SLC19A3: variants seen among roughly 807,000 people sequenced by gnomAD.
SLC19A3 encodes the protein solute carrier family 19 member 3, also known as thiamine transporter 2.
Under a neutral mutation model 40.2 loss-of-function variants are expected in SLC19A3, and 31 were observed. The observed-to-expected ratio is 0.77, with a 90% CI of 0.58 to 1.04. The LOEUF is 1.04. Among genes scored for constraint, SLC19A3 ranks in the 50% least tolerant of loss-of-function variants. The pLI, the probability that SLC19A3 is intolerant of heterozygous loss-of-function variation, is 0.00. For missense variants in SLC19A3, 592 were observed against 596.7 expected, an observed-to-expected ratio of 0.99 and a Z score of 0.08; for synonymous variants, 212 against 227.5, an observed-to-expected ratio of 0.93 and a Z score of 0.61.
At position 227,703,551 on chromosome 2, in the gene SLC19A3, T is replaced by C. The variant is rs975597462; in HGVS notation, c.-2-1231A>G. On this transcript the variant is annotated intron_variant, in intron 1 of 5. Transcript: ENST00000644224. This position sits in a 1 kb window ranked among gnomAD's most constrained non-coding sequence, Gnocchi z 4.7. Reference sequence around the variant, plus strand: ...CTAGGATTACAGCATCAGTGAGCAATGCTGACAATGTGAAAATTTTGCCAA... The same window carrying C: ...CTAGGATTACAGCATCAGTGAGCAACGCTGACAATGTGAAAATTTTGCCAA... Among the ~76,000 whole-genome samples, 1 of 152,210 alleles carries C rather than the reference T, an allele frequency of 6.6e-6. No individual in the cohort carries two copies. Among genetic ancestry groups the C allele is most frequent in the Non-Finnish European group, 1.5e-5 (1 of 68,038 alleles).
At chr2:227,713,716 A>C (rs1696227217) in intron 1 of SLC19A3, among the ~76,000 whole-genome samples, 1 of 152,168 alleles carries the variant, frequency 6.6e-6, no homozygotes, top group Non-Finnish European at 1.5e-5. Context: ...TTTCTTTCTA[A>C]ATTTCCCACG....
At chr2:227,713,834 G>C (rs1052279420) in intron 1 of SLC19A3, among the ~76,000 whole-genome samples, 2 of 151,512 alleles carry the variant, frequency 1.3e-5, no homozygotes, top group African/African-American at 4.8e-5. Flanking sequence ...ATACACGGAA[G>C]AAAATAAAGC....
chr2:227,686,157 A>G lies in SLC19A3; in HGVS notation c.*1240T>C. The G allele has an allele frequency of 2.2e-6, 1 of 446,842 alleles. No individual in the cohort carries two copies. Among genetic ancestry groups the G allele is most frequent in the South Asian group, 1.6e-5 (1 of 63,012 alleles). The allele number at this position is 446,842 out of a possible 1,614,324, so 27.7% of individuals were successfully genotyped here. On this transcript the variant is annotated 3_prime_UTR_variant, in exon 6 of 6. Transcript: ENST00000644224. ...GTTTGCAGTGAGCCAAGATCACGCC[A>G]TTGCATTCCAGCCTGGGTGAGAGAG...
chr2:227,714,703 CAAAAAAAAAAA>C (rs769256469), intron 1 of SLC19A3: 6 of 177,184 alleles, frequency 3.4e-5, no homozygotes, highest in Non-Finnish European at 3.9e-5. Context: ...AAATCCCATC[CAAAAAAAAAAA>C]AAAAAAAAAG....
At chr2:227,717,196 T>C (rs1022202766) in intron 1 of SLC19A3, among the ~76,000 whole-genome samples, 3 of 151,852 alleles carry the variant, frequency 2.0e-5, no homozygotes, top group Non-Finnish European at 4.4e-5. Context: ...AGAGACGGGG[T>C]TTCATCCCAG....
Position 227,699,157 on chromosome 2 carries a change from G to C in SLC19A3, c.558C>G (p.Phe186Leu), listed in dbSNP as rs2106329006. Residue 186 changes from phenylalanine to leucine, a missense_variant, in exon 3 of 6, where the codon TTC becomes TTG. Physicochemically the swap from Phe to Leu is conservative, Grantham distance 22. Coordinates refer to ENST00000644224, the MANE Select transcript of SLC19A3 (RefSeq NM_025243.4). ...TCTTGGGCATTGGTAGGAAAAGTGA[G>C]AAAAGGAAAGCCACGGAGACAGAGG... ...SLASVSVAFL[F>L]SLFLPMPKKS... The C allele has an allele frequency of 3.7e-6, 6 of 1,614,160 alleles. No individual in the cohort carries two copies. The highest frequency in any genetic ancestry group is 5.1e-6 in the Non-Finnish European group (6 of 1,180,042).
At chr2:227,700,467 G>C (rs1224977172) in intron 2 of SLC19A3, among the ~76,000 whole-genome samples, 1 of 152,046 alleles carries the variant, frequency 6.6e-6, no homozygotes, top group Admixed American at 6.5e-5. Context: ...GAACCCAGGA[G>C]GCAGAGGTTG....
In SLC19A3 at chr2:227,702,083, A is replaced by G. The variant is rs1695717784; in HGVS notation, c.150+86T>C. ...ACTGAGTTTAATGTGTTCATCTTAT[A>G]TCAAGTTGAGGGAAGCCCTGTATCC... On this transcript the variant is annotated intron_variant, in intron 2 of 5. Coordinates refer to ENST00000644224, the MANE Select transcript of SLC19A3 (RefSeq NM_025243.4). 7 of 1,065,338 alleles carry G rather than the reference A, an allele frequency of 6.6e-6. No homozygotes were observed. The Admixed American group carries it at 1.1e-4, about 16-fold the overall frequency. The allele number at this position is 1,065,338 out of a possible 1,614,324, so 66.0% of individuals were successfully genotyped here. A position where few individuals can be genotyped will look rare whatever the true frequency, so the allele number is the denominator to read the frequency against.
At chr2:227,706,635 G>A in intron 1 of SLC19A3, 1 of 231,050 alleles carries the variant, frequency 4.3e-6, no homozygotes, top group Non-Finnish European at 7.8e-6. Context: ...GTCGGTTGCG[G>A]TGGTGGGTGC....
At chr2:227,707,580 C>T (rs960209086) in intron 1 of SLC19A3, among the ~76,000 whole-genome samples, 6 of 151,176 alleles carry the variant, frequency 4.0e-5, no homozygotes, top group Admixed American at 2.0e-4. Flanking sequence ...AGACCCTGTT[C>T]TCAAAAAATA....
chr2:227,708,767 A>G (rs769954306), intron 1 of SLC19A3, among the ~76,000 whole-genome samples: 2 of 152,232 alleles, frequency 1.3e-5, no homozygotes, highest in Non-Finnish European at 2.9e-5. Flanking sequence ...ATTCTGTAGC[A>G]TAGAAAAACT....
intron 4 of SLC19A3, among the ~76,000 whole-genome samples, chr2:227,692,754 A>G (rs1695281723): frequency 6.6e-6 from 1 of 152,244 alleles, no homozygotes; most frequent in African/African-American, 2.4e-5. Context: ...GAAAGGATCA[A>G]GTCAAATTAT....
At position 227,716,703 on chromosome 2, in the gene SLC19A3, G is replaced by T. The variant is rs535870535; in HGVS notation, c.-3+1240C>A. Among the ~76,000 whole-genome samples the T allele has an allele frequency of 9.9e-5, 15 of 152,228 alleles. No individual in the cohort carries two copies. The South Asian group carries it at 2.9e-3, about 30-fold the overall frequency. On this transcript the variant is annotated intron_variant, in intron 1 of 5. Coordinates refer to ENST00000644224, the MANE Select transcript of SLC19A3 (RefSeq NM_025243.4). ...GGTAGTCTATAAGCTTCTGAGACAT[G>T]TTGCAGGGTGGGTAATCAATCACTC... is the stretch of plus-strand genomic sequence containing the variant.
In SLC19A3 at chr2:227,696,006, A is replaced by G; in HGVS notation, c.1055T>C (p.Phe352Ser). 1 of 1,614,190 alleles carries G rather than the reference A, an allele frequency of 6.2e-7. No individual in the cohort carries two copies. Among genetic ancestry groups the G allele is most frequent in the Non-Finnish European group, 8.5e-7 (1 of 1,180,024 alleles). ...TAAAGAACCGGCATTGACAACTGAG[A>G]AGACCACCAGAGCCAGCTCTCCCAG... is the stretch of plus-strand genomic sequence containing the variant. ...DLLGELALVV[F>S]SVVNAGSLFL... is the part of the protein sequence containing the mutation. The change falls in exon 4 of 6, where the codon TTC becomes TCC. Residue 352 changes from phenylalanine to serine, a missense_variant. Coordinates refer to ENST00000644224, the MANE Select transcript of SLC19A3 (RefSeq NM_025243.4).
intron 1 of SLC19A3, among the ~76,000 whole-genome samples, chr2:227,708,935 G>A (rs1419061256): frequency 1.3e-5 from 2 of 152,110 alleles, no homozygotes; most frequent in African/African-American, 2.4e-5. Flanking sequence ...GTCACTGTGC[G>A]GATTAAGACC....
chr2:227,690,224 T>C (rs1410067480), intron 4 of SLC19A3, among the ~76,000 whole-genome samples: 1 of 152,130 alleles, frequency 6.6e-6, no homozygotes, highest in Non-Finnish European at 1.5e-5. Context: ...AAAGACATTT[T>C]ACCTATAGAG....
rs1272289806 is a variant in SLC19A3 at position 227,699,581 on chromosome 2, T to C, written c.151-17A>G. The C allele has an allele frequency of 1.2e-6, 2 of 1,607,942 alleles. No individual in the cohort carries two copies. The highest frequency in any genetic ancestry group is 1.7e-6 in the Non-Finnish European group (2 of 1,174,782). ...ATTTGTTATCTGCAAAGTTGGTAAA[T>C]TGCATGACCACGAAGCACCGGTACT... On this transcript the variant is annotated splice_polypyrimidine_tract_variant and intron_variant, in intron 2 of 5. Transcript: ENST00000644224.
intron 1 of SLC19A3, among the ~76,000 whole-genome samples, chr2:227,705,791 C>T (rs1430168897): frequency 6.6e-6 from 1 of 152,070 alleles, no homozygotes. Context: ...TTGATCTGTG[C>T]AGCAAACCAC....
chr2:227,692,497 A>C (rs546295260), intron 4 of SLC19A3, among the ~76,000 whole-genome samples: 1 of 152,362 alleles, frequency 6.6e-6, no homozygotes, highest in East Asian at 1.9e-4. Context: ...GATACAATTC[A>C]ACATTCCTTC....
Sources: gnomAD v4.1 joint callset for allele counts (sites outside exome capture counted in the v4.1 genomes callset) on GRCh38, gnomAD v4.1.1 for gene constraint, Gnocchi (gnomAD v3.1) non-coding constraint, MANE v1.5 for transcripts, NCBI Gene and HGNC (gene_info 2026-07-23, HGNC 2026-07-21) for gene names.